FLOT2: variants seen among roughly 807,000 people sequenced by gnomAD.
FLOT2 encodes the protein flotillin 2.
A neutral mutation model predicts 54.9 loss-of-function variants in FLOT2; 35 were observed. The ratio of observed to expected loss-of-function variants is 0.64; its 90% CI spans 0.49 to 0.84. The LOEUF is 0.84. Among genes scored for constraint, FLOT2 ranks in the 40% least tolerant of loss-of-function variants. The pLI, the probability that FLOT2 is intolerant of heterozygous loss-of-function variation, is 0.00. For synonymous variants in FLOT2, 207 were observed against 228.9 expected, an observed-to-expected ratio of 0.90 and a Z score of 0.86; for missense variants, 464 against 572.1, an observed-to-expected ratio of 0.81 and a Z score of 1.93.
chr17:28,893,695 C>T (rs930934924), intron 1 of FLOT2, among the ~76,000 whole-genome samples: 2 of 152,228 alleles, frequency 1.3e-5, no homozygotes, highest in African/African-American at 4.8e-5. Flanking sequence ...CAGCGCCAGG[C>T]CCGAAACCAG....
At chr17:28,888,415 G>A (rs2039584396) in intron 2 of FLOT2, among the ~76,000 whole-genome samples, 1 of 152,080 alleles carries the variant, frequency 6.6e-6, no homozygotes, top group African/African-American at 2.4e-5. Context: ...GCACTAATTC[G>A]TTAGGTCCCC....
chr17:28,896,950 T>C (rs2039751180), intron 1 of FLOT2, among the ~76,000 whole-genome samples: 1 of 152,210 alleles, frequency 6.6e-6, no homozygotes, highest in South Asian at 2.1e-4. Context: ...AATCCCAAAC[T>C]GCACTGCCCA....
intron 2 of FLOT2, among the ~76,000 whole-genome samples, chr17:28,885,190 G>T (rs1011587243): frequency 6.6e-6 from 1 of 152,206 alleles, no homozygotes; most frequent in African/African-American, 2.4e-5. Flanking sequence ...AGCCTCCCAG[G>T]CCTCTGCACC....
At chr17:28,896,279 C>T (rs2152651356) in intron 1 of FLOT2, among the ~76,000 whole-genome samples, 1 of 152,346 alleles carries the variant, frequency 6.6e-6, no homozygotes, top group East Asian at 1.9e-4. Flanking sequence ...CTTTTGTCTT[C>T]TCAGCTCAGA....
chr17:28,886,922 C>T (rs1311637378), intron 2 of FLOT2, among the ~76,000 whole-genome samples: 1 of 152,146 alleles, frequency 6.6e-6, no homozygotes, highest in Non-Finnish European at 1.5e-5. Context: ...GAGCCCCTAA[C>T]ACTAGCATCC....
Position 28,897,638 on chromosome 17 carries a change from G to T in FLOT2, c.-64C>A. 7.4e-7 allele frequency: 1 copy of T among 1,353,786 alleles called. No homozygotes were observed. The highest frequency in any genetic ancestry group is 9.7e-7 in the Non-Finnish European group (1 of 1,030,786). The allele number at this position is 1,353,786 out of a possible 1,614,324, so 83.9% of individuals were successfully genotyped here. A position where few individuals can be genotyped will look rare whatever the true frequency, so the allele number is the denominator to read the frequency against. The stretch of plus-strand genomic sequence containing the variant: ...CCCGGACAACAGCAGCGGGTCTGCA[G>T]CGCCGGCCGCGCCCAGCCTATCCCG... On this transcript the variant is annotated 5_prime_UTR_variant, in exon 1 of 11. It adds an upstream start codon to the 5' untranslated region. Transcript: ENST00000394908. The surrounding 1 kb of genome is among the most constrained non-coding windows in gnomAD (Gnocchi z 4.4).
rs983993669 is a variant in FLOT2, at chr17:28,883,263, G to A, written c.223-32C>T. ...GTGACGACAAAGGCGCTTCAGCTAG[G>A]CTGGAGCGAGGCAGACAAAGGCCCC... On this transcript the variant is annotated intron_variant, in intron 3 of 10. Transcript: ENST00000394908. This position sits in a 1 kb window ranked among gnomAD's most constrained non-coding sequence, Gnocchi z 5.0. 6.2e-7 allele frequency: 1 copy of A among 1,613,148 alleles called. No homozygotes were observed. The highest frequency in any genetic ancestry group is 1.7e-5 in the Admixed American group (1 of 59,980).
intron 1 of FLOT2, among the ~76,000 whole-genome samples, chr17:28,894,908 ATTATTTAT>A (rs141126226): frequency 8.7e-5 from 13 of 150,010 alleles, no homozygotes; most frequent in African/African-American, 1.5e-4. Flanking sequence ...ATATTTGTTT[ATTATTTAT>A]TTATTTATTT....
At chr17:28,892,616 G>A (rs2039672017) in intron 1 of FLOT2, 1 of 152,058 alleles carries the variant, frequency 6.6e-6, no homozygotes, top group Admixed American at 6.5e-5. Flanking sequence ...TGGGATTACA[G>A]GTGGGAGCCA....
rs890481845 is a variant in FLOT2, at chr17:28,897,328, C to T, written c.49+198G>A. Among the ~76,000 whole-genome samples the T allele has an allele frequency of 2.0e-5, 3 of 152,274 alleles. No homozygotes were observed. Among genetic ancestry groups the T allele is most frequent in the Non-Finnish European group, 2.9e-5 (2 of 68,040 alleles). ...AAACCCACAGCGGGAGGGGGAGCCC[C>T]TGGTGGGTGCCCGAGGGTGCGCAGC... On this transcript the variant is annotated intron_variant, in intron 1 of 10. Coordinates refer to ENST00000394908, the MANE Select transcript of FLOT2 (RefSeq NM_004475.3). This position sits in a 1 kb window ranked among gnomAD's most constrained non-coding sequence, Gnocchi z 4.4.
intron 1 of FLOT2, among the ~76,000 whole-genome samples, chr17:28,890,137 C>T (rs1298995269): frequency 6.6e-6 from 1 of 152,168 alleles, no homozygotes; most frequent in Non-Finnish European, 1.5e-5. Context: ...TGGTTCTCTA[C>T]TTCCAAAACA....
At chr17:28,895,530 T>C (rs2039726751) in intron 1 of FLOT2, among the ~76,000 whole-genome samples, 1 of 152,178 alleles carries the variant, frequency 6.6e-6, no homozygotes, top group Non-Finnish European at 1.5e-5. Flanking sequence ...CCCAAAGTGC[T>C]GGAATTACAG....
Position 28,881,221 on chromosome 17 carries a change from T to C in FLOT2, c.1069A>G (p.Met357Val), listed in dbSNP as rs1293800270. 3.1e-6 allele frequency: 5 copies of C among 1,614,166 alleles called. No individual in the cohort carries two copies. The highest frequency in any genetic ancestry group is 4.2e-6 in the Non-Finnish European group (5 of 1,180,016). The stretch of plus-strand genomic sequence containing the variant: ...GGCAGGGCCTCTAGCACCAAGGCCA[T>C]CTTGGCTGCATCCCCGTATTTCTGG... Reference protein sequence around the residue: ...AYQKYGDAAKMALVLEALPQI... With the variant: ...AYQKYGDAAKVALVLEALPQI... The change falls in exon 9 of 11, where the codon ATG becomes GTG. Residue 357 changes from methionine to valine, a missense_variant. By Grantham distance (21) the Met-to-Val change is conservative. Transcript: ENST00000394908.
At chr17:28,888,398 AG>A (rs577344768) in intron 2 of FLOT2, among the ~76,000 whole-genome samples, 231 of 152,300 alleles carry the variant, frequency 1.5e-3, no homozygotes, top group African/African-American at 5.1e-3. Context: ...TGTCTTGCTC[AG>A]CCCCAGCACT....
At position 28,897,516 on chromosome 17, in the gene FLOT2, GC is replaced by G; in HGVS notation, c.49+9del. 2 of 1,602,930 alleles carry G rather than the reference GC, an allele frequency of 1.2e-6. No homozygotes were observed. Among genetic ancestry groups the G allele is most frequent in the East Asian group, 2.3e-5 (1 of 43,874 alleles). ...CTCCACAGCTCCCACCTTCCTCGCC[GC>G]CCCCTCACCTGAAACCACCAGCGCC... On this transcript the variant is annotated intron_variant, in intron 1 of 10. Transcript: ENST00000394908. This position sits in a 1 kb window ranked among gnomAD's most constrained non-coding sequence, Gnocchi z 4.4.
rs763692285 is a variant in FLOT2 at position 28,884,199 on chromosome 17, T to C, written c.222+26A>G. 19 of 1,552,374 alleles carry C rather than the reference T, an allele frequency of 1.2e-5. No homozygotes were observed. Among genetic ancestry groups the C allele is most frequent in the East Asian group, 2.2e-5 (1 of 44,642 alleles). ...ACGGGACCAGGCAGCTCAACGGACA[T>C]GCGCAGGGCTGCTGAGTTACTATAC... On this transcript the variant is annotated intron_variant, in intron 3 of 10. Coordinates refer to ENST00000394908, the MANE Select transcript of FLOT2 (RefSeq NM_004475.3). This position sits in a 1 kb window ranked among gnomAD's most constrained non-coding sequence, Gnocchi z 5.1.
chr17:28,887,585 G>A (rs968141354), intron 2 of FLOT2, among the ~76,000 whole-genome samples: 4 of 152,234 alleles, frequency 2.6e-5, no homozygotes, highest in African/African-American at 9.6e-5. Context: ...GGAGAGCAGG[G>A]GACCAAGAAT....
rs2039480467 is a variant in FLOT2, at chr17:28,882,903, T to C, written c.346+205A>G. ...AGTGTCCCAAGCAGCACTAGGTTCC[T>C]GAGCAGACCGACAGCCCCCATCCCA... On this transcript the variant is annotated intron_variant, in intron 4 of 10. Coordinates refer to ENST00000394908, the MANE Select transcript of FLOT2 (RefSeq NM_004475.3). The surrounding 1 kb of genome is among the most constrained non-coding windows in gnomAD (Gnocchi z 5.6). 3.1e-6 allele frequency: 2 copies of C among 644,146 alleles called. No individual in the cohort carries two copies. The highest frequency in any genetic ancestry group is 5.3e-6 in the Non-Finnish European group (2 of 374,450). 39.9% of individuals were successfully genotyped at this position (644,146 alleles called of 1,614,324 possible).
chr17:28,883,250 G>C lies in FLOT2; in HGVS notation c.223-19C>G, dbSNP rs1261982148. 1 of 1,613,938 alleles carries C rather than the reference G, an allele frequency of 6.2e-7. No individual in the cohort carries two copies. Among genetic ancestry groups the C allele is most frequent in the Non-Finnish European group, 8.5e-7 (1 of 1,179,980 alleles). ...TCTTCACCTGTCAGTGACGACAAAG[G>C]CGCTTCAGCTAGGCTGGAGCGAGGC... On this transcript the variant is annotated intron_variant, in intron 3 of 10. Transcript: ENST00000394908. This position sits in a 1 kb window ranked among gnomAD's most constrained non-coding sequence, Gnocchi z 5.0.
Sources: gnomAD v4.1 joint callset for allele counts (sites outside exome capture counted in the v4.1 genomes callset) on GRCh38, gnomAD v4.1.1 for gene constraint, Gnocchi (gnomAD v3.1) non-coding constraint, MANE v1.5 for transcripts, NCBI Gene and HGNC (gene_info 2026-07-23, HGNC 2026-07-21) for gene names.